SUCLG2: variants seen among roughly 807,000 people sequenced by gnomAD.
The protein encoded by SUCLG2 is succinate-CoA ligase GDP-forming subunit beta, also known as succinate--CoA ligase [GDP-forming] subunit beta, mitochondrial.
In SUCLG2, 42 loss-of-function variants were observed where a neutral mutation model predicts 47.9. The ratio of observed to expected loss-of-function variants is 0.88; its 90% CI spans 0.69 to 1.14. The LOEUF is 1.14. Among genes scored for constraint, SUCLG2 ranks in the 50% most tolerant of loss-of-function variants. SUCLG2 has a pLI of 0.00. For missense variants in SUCLG2, 571 were observed against 525.9 expected (o/e 1.09, Z -0.84); for synonymous variants, 195 against 197.3 (o/e 0.99, Z 0.10).
At position 67,458,473 on chromosome 3, in the gene SUCLG2, C is replaced by A. The variant is rs148370284; in HGVS notation, c.1062+37325G>T. 1.8e-3 allele frequency among the ~76,000 whole-genome samples: 281 copies of A among 152,294 alleles called. 1 individual carries two copies. The highest frequency in any genetic ancestry group is 6.5e-3 in the African/African-American group (272 of 41,556). On this transcript the variant is annotated intron_variant, in intron 9 of 10. Coordinates refer to ENST00000307227, the MANE Select transcript of SUCLG2 (RefSeq NM_003848.4). ...TATCAAACACACAGCAGTTCCATTT[C>A]TCATCTGAGGGTGGGGCATTTCCTA...
intron 9 of SUCLG2, among the ~76,000 whole-genome samples, chr3:67,485,190 TA>T (rs1439933878): frequency 1.3e-5 from 2 of 152,232 alleles, no homozygotes; most frequent in Non-Finnish European, 2.9e-5. Flanking sequence ...CTGAGATAAT[TA>T]AAACTAACTC....
chr3:67,426,772 C>CA (rs770143518), intron 9 of SUCLG2, among the ~76,000 whole-genome samples: 1 of 152,052 alleles, frequency 6.6e-6, no homozygotes, highest in South Asian at 2.1e-4. Flanking sequence ...TACAAAAATA[C>CA]AAAAAATTAG....
At chr3:67,569,576 C>G (rs1430649401) in intron 2 of SUCLG2, among the ~76,000 whole-genome samples, 1 of 152,172 alleles carries the variant, frequency 6.6e-6, no homozygotes, top group African/African-American at 2.4e-5. Context: ...CTTTGTCCTG[C>G]TAGGTTTTGG....
intron 10 of SUCLG2, among the ~76,000 whole-genome samples, chr3:67,367,574 T>C (rs979220792): frequency 4.6e-5 from 7 of 152,240 alleles, no homozygotes; most frequent in African/African-American, 7.2e-5. Context: ...CTTGGCACTA[T>C]TGACACTTTG....
At chr3:67,437,170 C>A (rs1703645472) in intron 9 of SUCLG2, among the ~76,000 whole-genome samples, 1 of 152,074 alleles carries the variant, frequency 6.6e-6, no homozygotes, top group African/African-American at 2.4e-5. Flanking sequence ...CAAGCAGCAG[C>A]CCCCAAGACT....
intron 10 of SUCLG2, among the ~76,000 whole-genome samples, chr3:67,394,392 C>A (rs765741526): frequency 1.4e-5 from 2 of 145,222 alleles, no homozygotes; most frequent in African/African-American, 2.6e-5. Flanking sequence ...CCTCAGGAGC[C>A]GATGCGATCA....
intron 2 of SUCLG2, among the ~76,000 whole-genome samples, chr3:67,546,249 G>A (rs1435818836): frequency 6.6e-6 from 1 of 152,108 alleles, no homozygotes; most frequent in Non-Finnish European, 1.5e-5. Context: ...TACCACCCAA[G>A]ACAGCACAGG....
chr3:67,451,356 A>T (rs996695271), intron 9 of SUCLG2, among the ~76,000 whole-genome samples: 2 of 152,244 alleles, frequency 1.3e-5, no homozygotes, highest in East Asian at 3.8e-4. Context: ...TACATTTGAT[A>T]AACTAACTGA....
At chr3:67,538,486 G>A (rs1409613657) in intron 2 of SUCLG2, among the ~76,000 whole-genome samples, 1 of 152,174 alleles carries the variant, frequency 6.6e-6, no homozygotes, top group South Asian at 2.1e-4. Context: ...TTGAAGTCAG[G>A]TAGAGTGATG....
At chr3:67,550,424 C>T (rs544677399) in intron 2 of SUCLG2, among the ~76,000 whole-genome samples, 4 of 152,258 alleles carry the variant, frequency 2.6e-5, no homozygotes, top group East Asian at 1.9e-4. Context: ...ACTGCAGCCT[C>T]GAACTCCCGG....
intron 9 of SUCLG2, among the ~76,000 whole-genome samples, chr3:67,478,337 G>A (rs182766472): frequency 2.6e-5 from 4 of 152,176 alleles, no homozygotes; most frequent in South Asian, 2.1e-4. Flanking sequence ...CCAAACAAGC[G>A]AGGTGAAGAG....
At chr3:67,568,980 AAGTC>A (rs1365107511) in intron 2 of SUCLG2, among the ~76,000 whole-genome samples, 4 of 152,326 alleles carry the variant, frequency 2.6e-5, no homozygotes, top group African/African-American at 9.6e-5. Context: ...TTCAATTCCT[AAGTC>A]AGAGTTAAGA....
At chr3:67,594,806 A>G (rs1708256152) in intron 2 of SUCLG2, among the ~76,000 whole-genome samples, 1 of 152,254 alleles carries the variant, frequency 6.6e-6, no homozygotes, top group South Asian at 2.1e-4. Context: ...GTAAAGCTAT[A>G]GATGACTTTT....
chr3:67,462,381 T>G (rs72918997), intron 9 of SUCLG2, among the ~76,000 whole-genome samples: 7,478 of 152,232 alleles, frequency 0.049, 277 homozygotes, highest in African/African-American at 0.09. Flanking sequence ...GACAGGCCTT[T>G]CTGGGTGTTC....
chr3:67,603,919 G>A (rs981527327), intron 2 of SUCLG2, among the ~76,000 whole-genome samples: 1 of 152,020 alleles, frequency 6.6e-6, no homozygotes, highest in East Asian at 1.9e-4. Flanking sequence ...TAATCCATAA[G>A]AGAAAAAAAG....
At position 67,546,273 on chromosome 3, in the gene SUCLG2, G is replaced by A. The variant is rs139714381; in HGVS notation, c.227-17087C>T. 5.1e-3 allele frequency among the ~76,000 whole-genome samples: 770 copies of A among 152,274 alleles called. 2 individuals carry two copies. The highest frequency in any genetic ancestry group is 8.7e-3 in the Non-Finnish European group (593 of 68,006). On this transcript the variant is annotated intron_variant, in intron 2 of 10. Coordinates refer to ENST00000307227, the MANE Select transcript of SUCLG2 (RefSeq NM_003848.4). The stretch of plus-strand genomic sequence containing the variant: ...AGACAGCACAGGAAAATACTTAAGA[G>A]CTAGCATCCATATCTGGTAAAACTG...
intron 9 of SUCLG2, among the ~76,000 whole-genome samples, chr3:67,480,864 A>G (rs1174803497): frequency 1.3e-5 from 2 of 152,230 alleles, no homozygotes; most frequent in African/African-American, 2.4e-5. Context: ...AAGGCATCAC[A>G]TTTTACAGCA....
chr3:67,449,889 A>G (rs1704013979), intron 9 of SUCLG2, among the ~76,000 whole-genome samples: 1 of 152,212 alleles, frequency 6.6e-6, no homozygotes, highest in African/African-American at 2.4e-5. Flanking sequence ...ATGGGATTAC[A>G]GGCATGAGAC....
chr3:67,494,076 A>C (rs1157671124), intron 9 of SUCLG2, among the ~76,000 whole-genome samples: 2 of 152,182 alleles, frequency 1.3e-5, no homozygotes, highest in Non-Finnish European at 2.9e-5. Flanking sequence ...GCCACCAACT[A>C]TGTAAGTCAT....
Sources: allele counts gnomAD v4.1 joint callset (sites outside exome capture counted in the v4.1 genomes callset), GRCh38; gene constraint gnomAD v4.1.1; transcripts MANE v1.5; gene names NCBI Gene and HGNC (gene_info 2026-07-23, HGNC 2026-07-21).